PLCE1: variants seen among roughly 807,000 people sequenced by gnomAD.
The protein encoded by PLCE1 is phospholipase C epsilon 1.
In PLCE1, 119 loss-of-function variants were observed where a neutral mutation model predicts 242.8. That is an observed-to-expected ratio of 0.49 (90% CI 0.42 to 0.57). The LOEUF (loss-of-function observed/expected upper bound fraction) is 0.57. Ranked by LOEUF, PLCE1 falls within the 20% of genes least tolerant of loss-of-function variation. The probability of loss-of-function intolerance (pLI) is 0.00; values close to 1 mark genes in which losing one functional copy is unlikely to be tolerated. For missense variants in PLCE1, 2,441 were observed against 2,788.8 expected, an observed-to-expected ratio of 0.88 and a Z score of 2.81; for synonymous variants, 945 against 1,017.4, an observed-to-expected ratio of 0.93 and a Z score of 1.35.
chr10:94,325,355 T>C (rs2053971682), intron 32 of PLCE1: 1 of 393,220 alleles, frequency 2.5e-6, no homozygotes, highest in Admixed American at 3.8e-5. Context: ...TCCCAGCACT[T>C]TGGGAGGCCA....
intron 14 of PLCE1, among the ~76,000 whole-genome samples, chr10:94,265,364 G>C (rs1372029231): frequency 6.6e-6 from 1 of 152,082 alleles, no homozygotes; most frequent in East Asian, 1.9e-4. Flanking sequence ...TTTTCACCTG[G>C]ATAAACTGAT....
chr10:94,214,674 G>T (rs550799358), intron 4 of PLCE1, among the ~76,000 whole-genome samples: 1 of 152,052 alleles, frequency 6.6e-6, no homozygotes, highest in South Asian at 2.1e-4. Flanking sequence ...GCTGGTTGTC[G>T]GTCTCCTTCT....
intron 1 of PLCE1, among the ~76,000 whole-genome samples, chr10:94,013,450 T>A: frequency 6.6e-6 from 1 of 152,248 alleles, no homozygotes. Context: ...TGCAACACTT[T>A]GGCATATCTG....
chr10:94,221,050 C>T (rs1394912786), intron 4 of PLCE1, among the ~76,000 whole-genome samples: 1 of 152,166 alleles, frequency 6.6e-6, no homozygotes, highest in Non-Finnish European at 1.5e-5. Context: ...AGAAATGACG[C>T]CTGATCTGAC....
intron 19 of PLCE1, chr10:94,279,459 T>C (rs763335300): frequency 5.2e-6 from 2 of 387,980 alleles, no homozygotes; most frequent in Admixed American, 4.1e-5. Flanking sequence ...CTTCAGTCAC[T>C]TGGGATTGAT....
intron 5 of PLCE1, among the ~76,000 whole-genome samples, chr10:94,228,421 T>C (rs1432707711): frequency 6.6e-6 from 1 of 152,142 alleles, no homozygotes; most frequent in Non-Finnish European, 1.5e-5. Context: ...GTCTGCAAAA[T>C]GGGGATAATA....
At chr10:94,325,269 G>GTCC in intron 32 of PLCE1, 165 bp downstream of exon 32, 1 of 615,824 alleles carries the variant, frequency 1.6e-6, no homozygotes, top group African/African-American at 1.8e-5. Context: ...GAAGATATGT[G>GTCC]TAACATGATA....
chr10:94,171,735 C>G (rs2047985925), intron 4 of PLCE1, among the ~76,000 whole-genome samples: 1 of 152,110 alleles, frequency 6.6e-6, no homozygotes, highest in African/African-American at 2.4e-5. Context: ...TATTGCATTA[C>G]CCAGTCCACC....
rs567164818 is a variant in PLCE1, at chr10:94,225,543, G to C, written c.1810-1763G>C. Among the ~76,000 whole-genome samples the C allele has an allele frequency of 2.0e-5, 3 of 152,242 alleles. No homozygotes were observed. In the South Asian group the frequency reaches 6.2e-4, roughly 32 times the overall value. On this transcript the variant is annotated intron_variant, in intron 4 of 32. Coordinates refer to ENST00000371380, the MANE Select transcript of PLCE1 (RefSeq NM_016341.4). Reference sequence around the variant, plus strand: ...AAAAATTAGCCGGGCGAGGTGGCAGGCCTTGTAATCCCAGTTACTCGAGGT... The same window carrying C: ...AAAAATTAGCCGGGCGAGGTGGCAGCCCTTGTAATCCCAGTTACTCGAGGT...
intron 2 of PLCE1, among the ~76,000 whole-genome samples, chr10:94,032,564 G>T (rs2061580737): frequency 6.6e-6 from 1 of 152,036 alleles, no homozygotes; most frequent in African/African-American, 2.4e-5. Context: ...TGAGATAAAT[G>T]CCTGGGTCCT....
At chr10:94,315,887 C>T (rs972225564) in intron 28 of PLCE1, among the ~76,000 whole-genome samples, 1 of 151,902 alleles carries the variant, frequency 6.6e-6, no homozygotes, top group Non-Finnish European at 1.5e-5. Flanking sequence ...GCTACTATTT[C>T]CATTGTGTAG....
intron 2 of PLCE1, among the ~76,000 whole-genome samples, chr10:94,125,448 A>C: frequency 6.6e-6 from 1 of 151,768 alleles, no homozygotes. Context: ...GCTGGAGTGC[A>C]GTGGCGCGAT....
intron 2 of PLCE1, among the ~76,000 whole-genome samples, chr10:94,092,430 T>C (rs2045115099): frequency 6.6e-6 from 1 of 152,218 alleles, no homozygotes; most frequent in African/African-American, 2.4e-5. Context: ...ATCATAATTA[T>C]TATTTACAGA....
At chr10:94,307,070 G>A (rs1245920345) in intron 26 of PLCE1, among the ~76,000 whole-genome samples, 1 of 152,198 alleles carries the variant, frequency 6.6e-6, no homozygotes, top group Non-Finnish European at 1.5e-5. Context: ...TGGAGTCGGT[G>A]CCTGGCAGAA....
At chr10:94,245,909 T>G in intron 7 of PLCE1, 37 bp from the exon 8 acceptor site, 1 of 1,556,462 alleles carries the variant, frequency 6.4e-7, no homozygotes, top group Non-Finnish European at 8.9e-7. Context: ...TCTCACTTGA[T>G]TATAAGACAA....
intron 4 of PLCE1, among the ~76,000 whole-genome samples, chr10:94,218,777 C>T (rs1409875975): frequency 6.6e-6 from 1 of 151,148 alleles, no homozygotes; most frequent in African/African-American, 2.4e-5. Flanking sequence ...GCAACTGGGA[C>T]CAAGAAGTGG....
intron 2 of PLCE1, among the ~76,000 whole-genome samples, chr10:94,097,742 A>G (rs1196213219): frequency 6.6e-6 from 1 of 152,232 alleles, no homozygotes; most frequent in African/African-American, 2.4e-5. Flanking sequence ...CAGAAAGGAA[A>G]AATGTCAAAA....
At chr10:94,027,130 A>G (rs2061464386) in intron 1 of PLCE1, among the ~76,000 whole-genome samples, 1 of 152,120 alleles carries the variant, frequency 6.6e-6, no homozygotes, top group Non-Finnish European at 1.5e-5. Flanking sequence ...CTGTTTATCT[A>G]ACTACTTCCT....
intron 2 of PLCE1, among the ~76,000 whole-genome samples, chr10:94,110,718 T>C (rs2045929079): frequency 6.6e-6 from 1 of 152,252 alleles, no homozygotes; most frequent in Non-Finnish European, 1.5e-5. Flanking sequence ...AGTTTTTCTG[T>C]AATAAGCAAG....
Sources: gnomAD v4.1 joint callset for allele counts (sites outside exome capture counted in the v4.1 genomes callset) on GRCh38, gnomAD v4.1.1 for gene constraint, MANE v1.5 for transcripts, NCBI Gene and HGNC (gene_info 2026-07-23, HGNC 2026-07-21) for gene names.